Variants in LRFN2 observed in about 807,000 individuals in gnomAD.
LRFN2 encodes leucine-rich repeat and fibronectin type-III domain-containing protein 2.
LRFN2 carries 18 observed loss-of-function variants against 37.3 expected under a neutral mutation model. The ratio of observed to expected loss-of-function variants is 0.48; its 90% CI spans 0.33 to 0.72. The LOEUF is 0.72. Among genes scored for constraint, LRFN2 ranks in the 30% least tolerant of loss-of-function variants. The probability of loss-of-function intolerance (pLI) is 0.02; values close to 1 mark genes in which losing one functional copy is unlikely to be tolerated. For missense variants in LRFN2, 1,006 were observed against 1,060.7 expected, an observed-to-expected ratio of 0.95 and a Z score of 0.72; for synonymous variants, 556 against 466.6, an observed-to-expected ratio of 1.19 and a Z score of -2.47.
At chr6:40,456,180 G>T (rs1764230419) in intron 1 of LRFN2, among the ~76,000 whole-genome samples, 1 of 152,244 alleles carries the variant, frequency 6.6e-6, no homozygotes, top group Admixed American at 6.5e-5. Context: ...CTTGACTTCA[G>T]CTGTGTGAGA....
At chr6:40,498,506 C>T (rs912440973) in intron 1 of LRFN2, among the ~76,000 whole-genome samples, 4 of 152,142 alleles carry the variant, frequency 2.6e-5, no homozygotes, top group Non-Finnish European at 5.9e-5. Flanking sequence ...ACTTTTTTCC[C>T]CATATCTTTA....
chr6:40,432,811 G>A lies in LRFN2; in HGVS notation c.303C>T (p.Ser101=), dbSNP rs1397118294. 1.2e-6 allele frequency: 2 copies of A among 1,614,090 alleles called. No individual in the cohort carries two copies. The highest frequency in any genetic ancestry group is 1.7e-6 in the Non-Finnish European group (2 of 1,180,052). The change falls in exon 2 of 3, where the codon AGC becomes AGT. Residue 101 remains serine (S), a synonymous_variant. Transcript: ENST00000338305. ...IQPFSFLDLE[S]LRSLHLDSNR... ...TGCTGTCAAGATGCAGGGAGCGGAG[G>A]CTCTCGAGGTCCAGAAAGGAAAAGG...
chr6:40,401,676 T>C (rs1021241716), intron 2 of LRFN2, among the ~76,000 whole-genome samples: 1 of 152,150 alleles, frequency 6.6e-6, no homozygotes, highest in African/African-American at 2.4e-5. Context: ...ACAGGGTGAA[T>C]GTGTGTTTGT....
intron 1 of LRFN2, among the ~76,000 whole-genome samples, chr6:40,473,012 GA>G (rs1339336312): frequency 6.6e-6 from 1 of 152,060 alleles, no homozygotes; most frequent in Non-Finnish European, 1.5e-5. Context: ...CGAGATGCTG[GA>G]ACAGGGGACA....
At chr6:40,396,325 C>A (rs1458383888) in intron 2 of LRFN2, among the ~76,000 whole-genome samples, 1 of 152,316 alleles carries the variant, frequency 6.6e-6, no homozygotes, top group Admixed American at 6.5e-5. Context: ...GGCTCCAGGG[C>A]CTCCGCACCT....
chr6:40,448,808 A>T (rs567036849), intron 1 of LRFN2, among the ~76,000 whole-genome samples: 2 of 152,318 alleles, frequency 1.3e-5, no homozygotes, highest in African/African-American at 4.8e-5. Flanking sequence ...TCCGGCTTCA[A>T]TTCCCTTGCA....
In LRFN2 at chr6:40,550,175, A is replaced by C. The variant is rs138978957; in HGVS notation, c.-19+36766T>G. Among the ~76,000 whole-genome samples, 711 of 152,140 alleles carry C rather than the reference A, an allele frequency of 4.7e-3. 5 individuals are homozygous for C. The highest frequency in any genetic ancestry group is 0.016 in the African/African-American group (651 of 41,550). The stretch of plus-strand genomic sequence containing the variant: ...GGTAATGCCCTATCCTAAGGCAAAG[A>C]GGACCCCCTAGGAGGTACAGCCCAA... On this transcript the variant is annotated intron_variant, in intron 1 of 2. Coordinates refer to ENST00000338305, the MANE Select transcript of LRFN2 (RefSeq NM_020737.3).
intron 1 of LRFN2, among the ~76,000 whole-genome samples, chr6:40,476,833 A>G (rs1242485816): frequency 1.3e-5 from 2 of 152,198 alleles, no homozygotes; most frequent in Non-Finnish European, 2.9e-5. Context: ...TGGTGGCCCA[A>G]TGGACATCTT....
At chr6:40,436,396 C>T (rs550515958) in intron 1 of LRFN2, among the ~76,000 whole-genome samples, 1 of 152,290 alleles carries the variant, frequency 6.6e-6, no homozygotes, top group South Asian at 2.1e-4. Flanking sequence ...CAGAGGTGAG[C>T]CATTGCTGCA....
At chr6:40,408,244 T>C (rs1270536117) in intron 2 of LRFN2, among the ~76,000 whole-genome samples, 1 of 152,158 alleles carries the variant, frequency 6.6e-6, no homozygotes. Context: ...TATTTTACAA[T>C]AAAAAATGGC....
At chr6:40,410,879 A>T (rs1444457170) in intron 2 of LRFN2, among the ~76,000 whole-genome samples, 1 of 152,140 alleles carries the variant, frequency 6.6e-6, no homozygotes, top group East Asian at 1.9e-4. Context: ...GAGGTGCACC[A>T]TCCTGATTTT....
At chr6:40,515,617 G>T (rs1014096735) in intron 1 of LRFN2, among the ~76,000 whole-genome samples, 3 of 152,276 alleles carry the variant, frequency 2.0e-5, no homozygotes, top group Non-Finnish European at 4.4e-5. Flanking sequence ...GGCTGGGCGC[G>T]GTGGCTCACG....
intron 1 of LRFN2, among the ~76,000 whole-genome samples, chr6:40,532,820 T>G (rs1766371535): frequency 6.6e-6 from 1 of 152,244 alleles, no homozygotes; most frequent in African/African-American, 2.4e-5. Flanking sequence ...ACCCTGTCAA[T>G]TTTGTACCTT....
chr6:40,499,702 A>T (rs557904813), intron 1 of LRFN2, among the ~76,000 whole-genome samples: 192 of 152,208 alleles, frequency 1.3e-3, no homozygotes, highest in African/African-American at 4.5e-3. Flanking sequence ...CTGACACCGC[A>T]TGAGACCAGT....
chr6:40,491,015 G>A (rs923303504), intron 1 of LRFN2, among the ~76,000 whole-genome samples: 1 of 152,240 alleles, frequency 6.6e-6, no homozygotes, highest in Non-Finnish European at 1.5e-5. Context: ...TGGCCATAGA[G>A]GGGTGAGGGG....
At chr6:40,420,613 C>T (rs1561846692) in intron 2 of LRFN2, among the ~76,000 whole-genome samples, 1 of 152,266 alleles carries the variant, frequency 6.6e-6, no homozygotes, top group Non-Finnish European at 1.5e-5. Context: ...CCCCAACATC[C>T]ATTCCCCACT....
At chr6:40,441,513 AAG>A (rs1763835037) in intron 1 of LRFN2, among the ~76,000 whole-genome samples, 1 of 152,064 alleles carries the variant, frequency 6.6e-6, no homozygotes, top group Admixed American at 6.5e-5. Flanking sequence ...CTGCCTGAGG[AAG>A]AGAGAGGGAG....
intron 1 of LRFN2, among the ~76,000 whole-genome samples, chr6:40,439,300 C>T (rs1457552816): frequency 6.6e-6 from 1 of 152,192 alleles, no homozygotes; most frequent in Non-Finnish European, 1.5e-5. Context: ...TGCTCCAGGC[C>T]TGGAAAGTGT....
At chr6:40,412,070 C>G (rs1762982101) in intron 2 of LRFN2, among the ~76,000 whole-genome samples, 1 of 152,142 alleles carries the variant, frequency 6.6e-6, no homozygotes, top group Non-Finnish European at 1.5e-5. Context: ...GGTCGGATAT[C>G]TAAAAGCACT....
Sources: allele counts gnomAD v4.1 joint callset (sites outside exome capture counted in the v4.1 genomes callset), GRCh38; gene constraint gnomAD v4.1.1; transcripts MANE v1.5; gene names NCBI Gene and HGNC (gene_info 2026-07-23, HGNC 2026-07-21).